Variants in GALNT17 observed in about 807,000 individuals in gnomAD.
GALNT17 encodes the protein polypeptide N-acetylgalactosaminyltransferase 17, also known as UDP-GalNAc:polypeptide N-acetylgalactosaminyltransferase-like 3.
GALNT17 carries 29 observed loss-of-function variants against 63.7 expected under a neutral mutation model. The observed-to-expected ratio is 0.46, with a 90% CI of 0.34 to 0.62. The LOEUF is 0.62. Ranked by LOEUF, GALNT17 falls within the 20% of genes least tolerant of loss-of-function variation. The pLI is 0.01. For synonymous variants in GALNT17, 305 were observed against 318.3 expected, an observed-to-expected ratio of 0.96 and a Z score of 0.45; for missense variants, 603 against 799.6, an observed-to-expected ratio of 0.75 and a Z score of 2.97.
At chr7:71,514,395 A>G (rs1297159320) in intron 5 of GALNT17, among the ~76,000 whole-genome samples, 1 of 152,068 alleles carries the variant, frequency 6.6e-6, no homozygotes, top group East Asian at 1.9e-4. Context: ...TATTGAGCTC[A>G]TAAACAGTGG....
At chr7:71,272,952 C>T (rs1435128139) in intron 1 of GALNT17, among the ~76,000 whole-genome samples, 1 of 145,158 alleles carries the variant, frequency 6.9e-6, no homozygotes, top group African/African-American at 2.9e-5. Context: ...TTGAAATGTT[C>T]AATTCAGAGA....
intron 5 of GALNT17, among the ~76,000 whole-genome samples, chr7:71,460,104 T>C (rs970638154): frequency 1.3e-5 from 2 of 152,136 alleles, no homozygotes; most frequent in Non-Finnish European, 2.9e-5. Flanking sequence ...CCCGACCACC[T>C]TGGGCACATG....
intron 1 of GALNT17, among the ~76,000 whole-genome samples, chr7:71,194,672 G>A (rs1789013132): frequency 6.6e-6 from 1 of 152,182 alleles, no homozygotes; most frequent in Non-Finnish European, 1.5e-5. Context: ...CTGTACCTCA[G>A]TTTCTCATCT....
chr7:71,179,731 GT>G (rs747378326), intron 1 of GALNT17, among the ~76,000 whole-genome samples: 1 of 152,094 alleles, frequency 6.6e-6, no homozygotes, highest in Non-Finnish European at 1.5e-5. Context: ...TAGCCCCCAA[GT>G]TTTTTTCTGA....
intron 5 of GALNT17, among the ~76,000 whole-genome samples, chr7:71,438,101 T>C (rs567020169): frequency 2.0e-5 from 3 of 152,326 alleles, no homozygotes; most frequent in Non-Finnish European, 4.4e-5. Context: ...GACTATGTGA[T>C]ATTAGTCAGG....
At chr7:71,391,147 G>A (rs2068592) in intron 3 of GALNT17, among the ~76,000 whole-genome samples, 4,797 of 152,276 alleles carry the variant, frequency 0.032, 117 homozygotes, top group East Asian at 0.11. Context: ...GATGAAGCCA[G>A]GTAGCACTAA....
At chr7:71,550,037 A>G (rs1422969961) in intron 5 of GALNT17, among the ~76,000 whole-genome samples, 1 of 151,870 alleles carries the variant, frequency 6.6e-6, no homozygotes, top group Non-Finnish European at 1.5e-5. Flanking sequence ...CAAAATAACT[A>G]CTAGCTCAGA....
intron 1 of GALNT17, among the ~76,000 whole-genome samples, chr7:71,256,192 C>G (rs1790286584): frequency 6.6e-6 from 1 of 152,324 alleles, no homozygotes; most frequent in African/African-American, 2.4e-5. Flanking sequence ...CAAGCCCCCG[C>G]TTTCAGCTGT....
At chr7:71,403,709 C>T (rs946820846) in intron 3 of GALNT17, among the ~76,000 whole-genome samples, 2 of 152,082 alleles carry the variant, frequency 1.3e-5, no homozygotes, top group Middle Eastern at 3.2e-3. Context: ...ATGAACTGGC[C>T]GGATGCCTCA....
rs544812762 is a variant in GALNT17 at position 71,676,496 on chromosome 7, G to A, written c.1405-715G>A. Among the ~76,000 whole-genome samples, 90 of 151,872 alleles carry A rather than the reference G, an allele frequency of 5.9e-4. No homozygotes were observed. The South Asian group carries it at 0.018, about 30-fold the overall frequency. On this transcript the variant is annotated intron_variant, in intron 8 of 10. Transcript: ENST00000333538. ...ACTCCTGGGCTCAAGCGATCCTCCCGTCTCAGCCTCCTGAATAGCTGGGAC... is the reference window on the plus strand; with the variant it reads ...ACTCCTGGGCTCAAGCGATCCTCCCATCTCAGCCTCCTGAATAGCTGGGAC...
At chr7:71,136,011 T>C (rs770004609) in intron 1 of GALNT17, among the ~76,000 whole-genome samples, 2 of 152,164 alleles carry the variant, frequency 1.3e-5, no homozygotes, top group Admixed American at 6.5e-5. Context: ...CTAGTGTCAT[T>C]TGCAGTGACA....
At chr7:71,289,985 C>T (rs1451587948) in intron 1 of GALNT17, among the ~76,000 whole-genome samples, 1 of 151,992 alleles carries the variant, frequency 6.6e-6, no homozygotes, top group Non-Finnish European at 1.5e-5. Flanking sequence ...GCGGAGGTTG[C>T]AGTGAGCTGA....
intron 1 of GALNT17, among the ~76,000 whole-genome samples, chr7:71,155,752 A>T (rs1585844328): frequency 6.6e-6 from 1 of 152,006 alleles, no homozygotes; most frequent in East Asian, 1.9e-4. Context: ...CCTATAGAGT[A>T]CATCATTCTC....
intron 5 of GALNT17, among the ~76,000 whole-genome samples, chr7:71,497,999 G>C (rs1294779940): frequency 6.6e-6 from 1 of 152,252 alleles, no homozygotes; most frequent in African/African-American, 2.4e-5. Flanking sequence ...AAAAGAATAT[G>C]TGTATGCACA....
intron 1 of GALNT17, among the ~76,000 whole-genome samples, chr7:71,312,225 C>T (rs773234748): frequency 6.6e-6 from 1 of 152,194 alleles, no homozygotes; most frequent in Non-Finnish European, 1.5e-5. Context: ...GCAGGACCTT[C>T]GTGCTACTGT....
chr7:71,704,925 G>A (rs903804186), intron 9 of GALNT17, among the ~76,000 whole-genome samples: 4 of 151,948 alleles, frequency 2.6e-5, no homozygotes, highest in Non-Finnish European at 5.9e-5. Flanking sequence ...GAAAACACAG[G>A]GGTAAATCTT....
At chr7:71,409,980 C>T (rs1287115842) in intron 3 of GALNT17, among the ~76,000 whole-genome samples, 1 of 152,096 alleles carries the variant, frequency 6.6e-6, no homozygotes, top group Non-Finnish European at 1.5e-5. Context: ...CTTGTGGGGT[C>T]CTTCAGACCA....
chr7:71,194,609 G>T (rs150206431), intron 1 of GALNT17, among the ~76,000 whole-genome samples: 1 of 152,296 alleles, frequency 6.6e-6, no homozygotes, highest in Non-Finnish European at 1.5e-5. Context: ...TCAGCAGGGT[G>T]ACAGCCTGGG....
chr7:71,287,329 A>G (rs1790893509), intron 1 of GALNT17, among the ~76,000 whole-genome samples: 2 of 151,954 alleles, frequency 1.3e-5, no homozygotes, highest in South Asian at 2.1e-4. Flanking sequence ...GGCTCAAACA[A>G]TTCTCCTGCC....
Sources: gnomAD v4.1 joint callset for allele counts (sites outside exome capture counted in the v4.1 genomes callset) on GRCh38, gnomAD v4.1.1 for gene constraint, MANE v1.5 for transcripts, NCBI Gene and HGNC (gene_info 2026-07-23, HGNC 2026-07-21) for gene names.